Variants in XKR6 observed in about 807,000 individuals in gnomAD.
XKR6 encodes the protein XK related 6.
XKR6 carries 22 observed loss-of-function variants against 56.7 expected under a neutral mutation model. The ratio of observed to expected loss-of-function variants is 0.39; its 90% CI spans 0.28 to 0.55. The LOEUF (loss-of-function observed/expected upper bound fraction) is 0.55, where lower values mean the gene tolerates loss of function less well. XKR6 is among the 20% of genes least tolerant of loss of function. The probability of loss-of-function intolerance (pLI) is 0.66; values close to 1 mark genes in which losing one functional copy is unlikely to be tolerated. For synonymous variants in XKR6, 524 were observed against 387.8 expected (o/e 1.35, Z -4.13); for missense variants, 852 against 889.0 (o/e 0.96, Z 0.53).
chr8:11,129,755 G>A (rs935024175), intron 1 of XKR6, among the ~76,000 whole-genome samples: 10 of 152,170 alleles, frequency 6.6e-5, no homozygotes, highest in African/African-American at 2.4e-4. Context: ...GTGGGAAGGA[G>A]GACAGGGAAA....
At chr8:10,922,398 C>T (rs1296241209) in intron 2 of XKR6, among the ~76,000 whole-genome samples, 2 of 152,176 alleles carry the variant, frequency 1.3e-5, no homozygotes, top group African/African-American at 4.8e-5. Context: ...CGGACATTGC[C>T]CTGCCAGTCG....
intron 1 of XKR6, among the ~76,000 whole-genome samples, chr8:11,157,778 G>A (rs1237041868): frequency 6.6e-6 from 1 of 152,174 alleles, no homozygotes; most frequent in East Asian, 1.9e-4. Flanking sequence ...GCCTCCGAAA[G>A]TGCTGGGATT....
intron 1 of XKR6, among the ~76,000 whole-genome samples, chr8:10,997,346 T>C (rs1798137476): frequency 6.6e-6 from 1 of 152,198 alleles, no homozygotes; most frequent in Admixed American, 6.5e-5. Flanking sequence ...ACTGTTACTA[T>C]TTCCATTGTA....
chr8:10,999,455 A>G (rs1173913630), intron 1 of XKR6, among the ~76,000 whole-genome samples: 1 of 152,242 alleles, frequency 6.6e-6, no homozygotes, highest in Non-Finnish European at 1.5e-5. Context: ...CGGTTTCTGG[A>G]TAGTGGACTT....
At position 10,996,509 on chromosome 8, in the gene XKR6, C is replaced by G. The variant is rs546768538; in HGVS notation, c.765-71679G>C. ...GCTAAGAGCAAGAAAGAAAATTTTC[C>G]CAATTACAGGTTTTCTCTGCAATTT... On this transcript the variant is annotated intron_variant, in intron 1 of 2. Coordinates refer to ENST00000416569, the MANE Select transcript of XKR6 (RefSeq NM_173683.4). 2.0e-5 allele frequency among the ~76,000 whole-genome samples: 3 copies of G among 152,244 alleles called. No individual in the cohort carries two copies. In the East Asian group the frequency reaches 5.8e-4, roughly 29 times the overall value.
chr8:11,113,439 CA>C (rs1397883513), intron 1 of XKR6, among the ~76,000 whole-genome samples: 4 of 152,062 alleles, frequency 2.6e-5, no homozygotes, highest in Non-Finnish European at 4.4e-5. Context: ...TATCTTCAAC[CA>C]AAAAATATAT....
chr8:11,178,845 T>C (rs924228279), intron 1 of XKR6, among the ~76,000 whole-genome samples: 2 of 150,288 alleles, frequency 1.3e-5, no homozygotes, highest in Non-Finnish European at 3.0e-5. Flanking sequence ...CCCTTTTTTC[T>C]TTTTTTTAGA....
chr8:11,201,106 C>T lies in XKR6; in HGVS notation c.234G>A (p.Leu78=). The change falls in exon 1 of 3, where the codon CTG becomes CTA. Residue 78 remains leucine (L), a synonymous_variant. Transcript: ENST00000416569. Reference sequence around the variant, plus strand: ...CGGCGCTGCGGCGCGGCTTCCTGCCCAGGAGGGAGCGCAGGCAGGCGGAGC... The same window carrying T: ...CGGCGCTGCGGCGCGGCTTCCTGCCTAGGAGGGAGCGCAGGCAGGCGGAGC... ...GCRSACLRSL[L]GRKPRRSAAA... 2 of 1,504,680 alleles carry T rather than the reference C, an allele frequency of 1.3e-6. No individual in the cohort carries two copies. Among genetic ancestry groups the T allele is most frequent in the Non-Finnish European group, 1.8e-6 (2 of 1,134,036 alleles). The allele number at this position is 1,504,680 out of a possible 1,614,324, so 93.2% of individuals were successfully genotyped here. A position where few individuals can be genotyped will look rare whatever the true frequency, so the allele number is the denominator to read the frequency against.
chr8:11,014,546 G>A (rs572501215), intron 1 of XKR6, among the ~76,000 whole-genome samples: 18 of 152,266 alleles, frequency 1.2e-4, no homozygotes, highest in Admixed American at 5.2e-4. Flanking sequence ...GTGCAGGCAG[G>A]TTCCCCCAAC....
chr8:10,922,260 G>T (rs1215661196), intron 2 of XKR6, among the ~76,000 whole-genome samples: 2 of 152,264 alleles, frequency 1.3e-5, no homozygotes, highest in Non-Finnish European at 2.9e-5. Flanking sequence ...GAAGGACTCA[G>T]ATGGGAGAGA....
At position 11,162,478 on chromosome 8, in the gene XKR6, CA is replaced by C. The variant is rs1272537157; in HGVS notation, c.764+38097del. On this transcript the variant is annotated intron_variant, in intron 1 of 2. Transcript: ENST00000416569. ...AAACAAAACAAAACAAAAAAACAAACAAAAAACTCTCTTTTTTAATTATAAT... is the reference window on the plus strand; with the variant it reads ...AAACAAAACAAAACAAAAAAACAAACAAAAACTCTCTTTTTTAATTATAAT... 3.3e-5 allele frequency among the ~76,000 whole-genome samples: 5 copies of C among 152,092 alleles called. No homozygotes were observed. The South Asian group carries it at 1.0e-3, about 32-fold the overall frequency.
At chr8:10,911,881 G>A (rs1800382848) in intron 2 of XKR6, among the ~76,000 whole-genome samples, 2 of 150,190 alleles carry the variant, frequency 1.3e-5, no homozygotes, top group South Asian at 2.1e-4. Flanking sequence ...TATAGAAGGT[G>A]TGTATATATA....
At chr8:11,179,288 T>C (rs1288497338) in intron 1 of XKR6, among the ~76,000 whole-genome samples, 3 of 152,198 alleles carry the variant, frequency 2.0e-5, no homozygotes, top group Non-Finnish European at 4.4e-5. Context: ...TAGATTCCTT[T>C]AGGTAACTGT....
chr8:11,140,032 C>G (rs934247853), intron 1 of XKR6, among the ~76,000 whole-genome samples: 1 of 151,604 alleles, frequency 6.6e-6, no homozygotes, highest in Non-Finnish European at 1.5e-5. Flanking sequence ...AAAGGAGAAA[C>G]TCGTTTTATA....
intron 1 of XKR6, among the ~76,000 whole-genome samples, chr8:11,037,729 G>C (rs938953747): frequency 1.3e-5 from 2 of 152,134 alleles, no homozygotes; most frequent in African/African-American, 4.8e-5. Flanking sequence ...ATGGTGGCGT[G>C]CGCCTGTAAT....
intron 1 of XKR6, among the ~76,000 whole-genome samples, chr8:11,009,509 C>CA (rs1273874039): frequency 6.6e-6 from 1 of 151,840 alleles, no homozygotes; most frequent in Admixed American, 6.6e-5. Context: ...GATCCTGTCT[C>CA]AAAAAAAGGC....
intron 1 of XKR6, among the ~76,000 whole-genome samples, chr8:11,130,141 T>G (rs10106914): frequency 0.42 from 63,749 of 151,972 alleles, 14,306 homozygotes; most frequent in African/African-American, 0.51. Flanking sequence ...TAGACAGTGT[T>G]TGGCATTTAA....
intron 1 of XKR6, among the ~76,000 whole-genome samples, chr8:11,184,420 C>G (rs895259799): frequency 6.9e-6 from 1 of 145,590 alleles, no homozygotes; most frequent in Non-Finnish European, 1.5e-5. Context: ...CACACACACA[C>G]TTATATTACA....
At chr8:11,190,196 AAAG>A (rs1353888599) in intron 1 of XKR6, among the ~76,000 whole-genome samples, 28 of 98,440 alleles carry the variant, frequency 2.8e-4, no homozygotes, top group African/African-American at 4.7e-4. Context: ...AGAAAGAAAG[AAAG>A]AAAGAAAAGA....
Sources: gnomAD v4.1 joint callset for allele counts (sites outside exome capture counted in the v4.1 genomes callset) on GRCh38, gnomAD v4.1.1 for gene constraint, MANE v1.5 for transcripts, NCBI Gene and HGNC (gene_info 2026-07-23, HGNC 2026-07-21) for gene names.